The following CNTNAP2 variants were observed in gnomAD, a reference collection of about 807,000 sequenced individuals.
CNTNAP2 encodes the protein contactin associated protein 2, also known as contactin-associated protein-like 2.
CNTNAP2 carries 98 observed loss-of-function variants against 155.2 expected under a neutral mutation model. That is an observed-to-expected ratio of 0.63 (90% CI 0.54 to 0.75). The LOEUF is 0.75. Among genes scored for constraint, CNTNAP2 ranks in the 30% least tolerant of loss-of-function variants. The pLI, the probability that CNTNAP2 is intolerant of heterozygous loss-of-function variation, is 0.00. For synonymous variants in CNTNAP2, 651 were observed against 631.2 expected (o/e 1.03, Z -0.47); for missense variants, 1,727 against 1,688.1 (o/e 1.02, Z -0.40).
At chr7:147,209,045 T>C (rs1167569008) in intron 8 of CNTNAP2, among the ~76,000 whole-genome samples, 1 of 151,990 alleles carries the variant, frequency 6.6e-6, no homozygotes, top group Admixed American at 6.6e-5. Flanking sequence ...ATCCTCATAT[T>C]GCTCAGGATT....
At chr7:147,163,349 C>A (rs1376302304) in intron 8 of CNTNAP2, among the ~76,000 whole-genome samples, 2 of 152,156 alleles carry the variant, frequency 1.3e-5, no homozygotes, top group Admixed American at 1.3e-4. Flanking sequence ...AATAACACAG[C>A]ACCAATTACT....
intron 1 of CNTNAP2, among the ~76,000 whole-genome samples, chr7:146,497,802 A>C (rs968243328): frequency 2.7e-5 from 4 of 149,034 alleles, no homozygotes; most frequent in African/African-American, 4.9e-5. Flanking sequence ...ATATAAACAT[A>C]TATATACATT....
At position 148,158,222 on chromosome 7, in the gene CNTNAP2, C is replaced by CTTTTTTTTTTTTTTTTTT. The variant is rs1224617335; in HGVS notation, c.2773+10515_2773+10532dup. The stretch of plus-strand genomic sequence containing the variant: ...AGTGATGATAGGTACAATGTTTGCG[C>CTTTTTTTTTTTTTTTTTT]TTTTTTTTTTTTTTTTTTTGAGACA... On this transcript the variant is annotated intron_variant, in intron 17 of 23. Coordinates refer to ENST00000361727, the MANE Select transcript of CNTNAP2 (RefSeq NM_014141.6). Among the ~76,000 whole-genome samples the CTTTTTTTTTTTTTTTTTT allele has an allele frequency of 1.4e-4, 13 of 94,798 alleles. 3 individuals carry two copies. Among genetic ancestry groups the CTTTTTTTTTTTTTTTTTT allele is most frequent in the African/African-American group, 4.5e-4 (9 of 20,114 alleles). The allele number at this position is 94,798 out of a possible 152,430, so 62.2% of individuals were successfully genotyped here. A position where few individuals can be genotyped will look rare whatever the true frequency, so the allele number is the denominator to read the frequency against.
intron 9 of CNTNAP2, among the ~76,000 whole-genome samples, chr7:147,312,465 T>C (rs1413220853): frequency 7.5e-6 from 1 of 132,482 alleles, no homozygotes; most frequent in Non-Finnish European, 1.6e-5. Flanking sequence ...CCTGTGTCCA[T>C]GTGTTCTCAT....
chr7:146,248,194 C>T (rs12623585), intron 1 of CNTNAP2, among the ~76,000 whole-genome samples: 9 of 151,670 alleles, frequency 5.9e-5, no homozygotes, highest in South Asian at 2.1e-4. Context: ...GGGATCGAGG[C>T]GCAGAGATAT....
At chr7:147,790,766 C>T (rs1461687506) in intron 13 of CNTNAP2, among the ~76,000 whole-genome samples, 2 of 152,138 alleles carry the variant, frequency 1.3e-5, no homozygotes, top group Admixed American at 6.5e-5. Context: ...AGTTAAAGTC[C>T]GAGAACACTT....
At chr7:147,324,151 A>G (rs542712403) in intron 9 of CNTNAP2, among the ~76,000 whole-genome samples, 2 of 152,154 alleles carry the variant, frequency 1.3e-5, no homozygotes, top group Non-Finnish European at 2.9e-5. Flanking sequence ...ATGGCTTGAA[A>G]AGAAGTAAGG....
At chr7:147,328,364 A>G (rs35636206) in intron 9 of CNTNAP2, among the ~76,000 whole-genome samples, 1 of 152,048 alleles carries the variant, frequency 6.6e-6, no homozygotes, top group South Asian at 2.1e-4. Flanking sequence ...TCAACAACTA[A>G]TATAGCTGGA....
intron 4 of CNTNAP2, chr7:147,081,057 G>A (rs1800115137): frequency 6.6e-6 from 1 of 152,096 alleles, no homozygotes; most frequent in Non-Finnish European, 1.5e-5. Flanking sequence ...GTCTTAAGGA[G>A]TATATAATCT....
At chr7:147,900,126 C>A (rs977998886) in intron 13 of CNTNAP2, among the ~76,000 whole-genome samples, 68 of 152,300 alleles carry the variant, frequency 4.5e-4, no homozygotes, top group African/African-American at 1.6e-3. Context: ...GGCCCCTCTG[C>A]TCTCTGGGAA....
At chr7:147,543,221 T>C (rs1207171559) in intron 11 of CNTNAP2, among the ~76,000 whole-genome samples, 1 of 152,242 alleles carries the variant, frequency 6.6e-6, no homozygotes, top group Admixed American at 6.5e-5. Context: ...AGGAATAGGA[T>C]GGGCTAGTTA....
intron 1 of CNTNAP2, among the ~76,000 whole-genome samples, chr7:146,353,625 A>T (rs1794954417): frequency 6.6e-6 from 1 of 152,150 alleles, no homozygotes; most frequent in Non-Finnish European, 1.5e-5. Flanking sequence ...TTTCAAATCT[A>T]CTAAGGTAGT....
intron 9 of CNTNAP2, among the ~76,000 whole-genome samples, chr7:147,363,384 A>G (rs1026450531): frequency 6.6e-6 from 1 of 152,226 alleles, no homozygotes; most frequent in Admixed American, 6.5e-5. Context: ...GTATTTCTTC[A>G]TAGCAGCTCA....
intron 1 of CNTNAP2, among the ~76,000 whole-genome samples, chr7:146,542,616 A>G (rs1797968910): frequency 1.3e-5 from 2 of 151,932 alleles, no homozygotes; most frequent in Non-Finnish European, 2.9e-5. Flanking sequence ...ACTTCCTGTG[A>G]TATGCATTCT....
chr7:147,021,394 C>G (rs554880866), intron 3 of CNTNAP2, among the ~76,000 whole-genome samples: 24 of 152,190 alleles, frequency 1.6e-4, no homozygotes, highest in Non-Finnish European at 1.8e-4. Flanking sequence ...TTTCATAGGT[C>G]CAATTAAAAT....
chr7:146,753,896 A>G (rs545878439), intron 1 of CNTNAP2, among the ~76,000 whole-genome samples: 2 of 152,140 alleles, frequency 1.3e-5, no homozygotes, highest in Admixed American at 1.3e-4. Context: ...ATCTTACTAT[A>G]TGAAGATTCA....
At chr7:148,033,431 G>A (rs1193573593) in intron 15 of CNTNAP2, among the ~76,000 whole-genome samples, 2 of 148,280 alleles carry the variant, frequency 1.3e-5, no homozygotes, top group Admixed American at 6.7e-5. Context: ...TGCCATGGTG[G>A]TTTGCTGCAC....
intron 3 of CNTNAP2, among the ~76,000 whole-genome samples, chr7:146,967,427 C>T (rs938113729): frequency 3.3e-5 from 5 of 152,162 alleles, no homozygotes; most frequent in African/African-American, 1.2e-4. Flanking sequence ...GATATTGATT[C>T]TTCCTACCCA....
chr7:147,220,391 G>T (rs558875955), intron 8 of CNTNAP2, among the ~76,000 whole-genome samples: 1 of 152,046 alleles, frequency 6.6e-6, no homozygotes, highest in Non-Finnish European at 1.5e-5. Context: ...GTTTCTCATA[G>T]ACAACACAGA....
Sources: gnomAD v4.1 joint callset for allele counts (sites outside exome capture counted in the v4.1 genomes callset) on GRCh38, gnomAD v4.1.1 for gene constraint, MANE v1.5 for transcripts, NCBI Gene and HGNC (gene_info 2026-07-23, HGNC 2026-07-21) for gene names.